Variants in MALRD1 observed in about 807,000 individuals in gnomAD.
MALRD1 encodes MAM and LDL-receptor class A domain-containing protein 1.
A neutral mutation model predicts 242.1 loss-of-function variants in MALRD1; 247 were observed. That is an observed-to-expected ratio of 1.02 (90% CI 0.92 to 1.13). The LOEUF is 1.13. Ranked by LOEUF, MALRD1 falls within the 50% of genes most tolerant of loss-of-function variation. The pLI is 0.00. For missense variants in MALRD1, 2,989 were observed against 2,533.1 expected (o/e 1.18, Z -3.86); for synonymous variants, 995 against 866.6 (o/e 1.15, Z -2.60).
intron 14 of MALRD1, among the ~76,000 whole-genome samples, chr10:19,196,662 C>T (rs1402216561): frequency 6.6e-6 from 1 of 151,814 alleles, no homozygotes; most frequent in Admixed American, 6.6e-5. Context: ...CTTGACCTGA[C>T]ATGATCACTT....
At chr10:19,423,045 C>T (rs1311839547) in intron 28 of MALRD1, among the ~76,000 whole-genome samples, 1 of 152,130 alleles carries the variant, frequency 6.6e-6, no homozygotes, top group Admixed American at 6.6e-5. Flanking sequence ...CCTATGCTGT[C>T]AGGTTGGAGG....
chr10:19,258,898 A>G (rs1322320575), intron 19 of MALRD1, among the ~76,000 whole-genome samples: 2 of 152,054 alleles, frequency 1.3e-5, no homozygotes, highest in Admixed American at 6.6e-5. Flanking sequence ...TCAGCAAATG[A>G]CAGTTTCTAT....
chr10:19,580,062 A>C (rs1048052425), intron 33 of MALRD1, among the ~76,000 whole-genome samples: 5 of 152,162 alleles, frequency 3.3e-5, no homozygotes, highest in Non-Finnish European at 7.4e-5. Flanking sequence ...GAAATGATTA[A>C]ACAGGAATGA....
intron 18 of MALRD1, among the ~76,000 whole-genome samples, chr10:19,220,882 A>T (rs12253327): frequency 6.6e-6 from 1 of 152,058 alleles, no homozygotes; most frequent in African/African-American, 2.4e-5. Context: ...ACAATCTTCA[A>T]CCCACTTTCT....
chr10:19,706,627 C>T (rs972110033), intron 38 of MALRD1, among the ~76,000 whole-genome samples: 2 of 152,114 alleles, frequency 1.3e-5, no homozygotes, highest in African/African-American at 4.8e-5. Context: ...GCTAGGATTA[C>T]AGGTATGAGC....
intron 21 of MALRD1, among the ~76,000 whole-genome samples, chr10:19,315,131 G>T (rs188076169): frequency 2.3e-3 from 291 of 127,348 alleles, no homozygotes; most frequent in African/African-American, 3.7e-3. Context: ...ATAATTTATA[G>T]AAATATGTAA....
Position 19,373,698 on chromosome 10 carries a change from C to A in MALRD1, c.4442-13830C>A, listed in dbSNP as rs151129734. 4.6e-3 allele frequency among the ~76,000 whole-genome samples: 707 copies of A among 152,290 alleles called. 6 individuals are homozygous for A. The highest frequency in any genetic ancestry group is 7.9e-3 in the Non-Finnish European group (539 of 68,016). On this transcript the variant is annotated intron_variant, in intron 26 of 39. Coordinates refer to ENST00000454679, the MANE Select transcript of MALRD1 (RefSeq NM_001142308.3). ...CGTGTATACTTGTATATGTGCTATT[C>A]TTCACTTTACATTGTCCTTGAATCC...
chr10:19,293,786 G>C (rs554806688), intron 21 of MALRD1, among the ~76,000 whole-genome samples: 6 of 152,070 alleles, frequency 3.9e-5, no homozygotes, highest in Admixed American at 1.3e-4. Flanking sequence ...AAGAGAACCA[G>C]AAAAAATAAC....
intron 2 of MALRD1, among the ~76,000 whole-genome samples, chr10:19,067,969 C>A (rs1412236891): frequency 6.6e-6 from 1 of 151,958 alleles, no homozygotes; most frequent in Non-Finnish European, 1.5e-5. Flanking sequence ...AGTTTTATTA[C>A]CAAAAAGGGT....
At chr10:19,668,236 C>G (rs1053174548) in intron 36 of MALRD1, among the ~76,000 whole-genome samples, 2 of 152,150 alleles carry the variant, frequency 1.3e-5, no homozygotes, top group Non-Finnish European at 2.9e-5. Flanking sequence ...TCCTGGGACA[C>G]CAGCAGTCAC....
chr10:19,487,423 GC>G (rs1475112374), intron 29 of MALRD1, among the ~76,000 whole-genome samples: 1 of 150,044 alleles, frequency 6.7e-6, no homozygotes, highest in Non-Finnish European at 1.5e-5. Flanking sequence ...TCAGTTTACT[GC>G]AGTTCAGAGC....
chr10:19,401,564 A>G (rs1846847405), intron 28 of MALRD1, among the ~76,000 whole-genome samples: 1 of 152,226 alleles, frequency 6.6e-6, no homozygotes, highest in South Asian at 2.1e-4. Context: ...ATATGAGAAA[A>G]CAAATTTCAA....
At chr10:19,086,374 C>A (rs1162653007) in intron 2 of MALRD1, among the ~76,000 whole-genome samples, 2 of 152,002 alleles carry the variant, frequency 1.3e-5, no homozygotes, top group Non-Finnish European at 2.9e-5. Flanking sequence ...ATTTCTCATT[C>A]CTTTTGACAA....
chr10:19,460,255 A>C (rs916592746), intron 29 of MALRD1, among the ~76,000 whole-genome samples: 2 of 152,218 alleles, frequency 1.3e-5, no homozygotes, highest in Non-Finnish European at 2.9e-5. Flanking sequence ...TATAAGATGT[A>C]TAAGCTACAG....
At chr10:19,419,217 C>A (rs1204039345) in intron 28 of MALRD1, among the ~76,000 whole-genome samples, 1 of 152,116 alleles carries the variant, frequency 6.6e-6, no homozygotes, top group Non-Finnish European at 1.5e-5. Context: ...ACATGGTCCT[C>A]TTAAAATGAT....
chr10:19,172,435 T>C (rs114142044), intron 13 of MALRD1, among the ~76,000 whole-genome samples: 2,210 of 151,814 alleles, frequency 0.015, 43 homozygotes, highest in African/African-American at 0.051. Flanking sequence ...GCAAGCAAAA[T>C]ATAGATGACC....
chr10:19,480,552 G>A (rs1836947988), intron 29 of MALRD1, among the ~76,000 whole-genome samples: 2 of 152,214 alleles, frequency 1.3e-5, no homozygotes, highest in African/African-American at 2.4e-5. Context: ...ATCAGCAGTA[G>A]CAGTAAATCC....
At chr10:19,612,411 C>T (rs994712349) in intron 35 of MALRD1, among the ~76,000 whole-genome samples, 2 of 151,718 alleles carry the variant, frequency 1.3e-5, no homozygotes, top group African/African-American at 2.4e-5. Context: ...AATACATCCC[C>T]GGGAAAACAA....
intron 8 of MALRD1, among the ~76,000 whole-genome samples, chr10:19,130,273 G>A (rs757300899): frequency 2.6e-5 from 4 of 152,160 alleles, no homozygotes; most frequent in South Asian, 4.1e-4. Context: ...CTGTATCCAC[G>A]TATGTTCCAC....
Sources: gnomAD v4.1 joint callset for allele counts (sites outside exome capture counted in the v4.1 genomes callset) on GRCh38, gnomAD v4.1.1 for gene constraint, MANE v1.5 for transcripts, NCBI Gene and HGNC (gene_info 2026-07-23, HGNC 2026-07-21) for gene names.